ANK2: variants seen among roughly 807,000 people sequenced by gnomAD.
ANK2 encodes ankyrin-2.
In ANK2, 83 loss-of-function variants were observed where a neutral mutation model predicts 360.5. That is an observed-to-expected ratio of 0.23 (90% confidence interval 0.19 to 0.28). ANK2 has a LOEUF of 0.28. Ranked by LOEUF, ANK2 falls within the 10% of genes least tolerant of loss-of-function variation. ANK2 has a pLI of 1.00. For synonymous variants in ANK2, 1,740 were observed against 1,759.5 expected, an observed-to-expected ratio of 0.99 and a Z score of 0.28; for missense variants, 4,201 against 4,795.7, an observed-to-expected ratio of 0.88 and a Z score of 3.66.
chr4:113,241,156 C>T (rs1168561210), intron 8 of ANK2, among the ~76,000 whole-genome samples: 1 of 152,060 alleles, frequency 6.6e-6, no homozygotes, highest in African/African-American at 2.4e-5. Flanking sequence ...ACAAAAATTA[C>T]AACAGACAAA....
chr4:113,290,385 A>G (rs2066927719), intron 20 of ANK2, among the ~76,000 whole-genome samples: 1 of 152,176 alleles, frequency 6.6e-6, no homozygotes, highest in African/African-American at 2.4e-5. Context: ...CATTGCTTTA[A>G]AAATGTAAAC....
At chr4:113,085,144 C>T (rs2084031655) in intron 1 of ANK2, among the ~76,000 whole-genome samples, 1 of 152,268 alleles carries the variant, frequency 6.6e-6, no homozygotes, top group East Asian at 1.9e-4. Context: ...TATAAAAATG[C>T]CCACAAATGC....
intron 32 of ANK2, among the ~76,000 whole-genome samples, chr4:113,340,848 C>CAAA (rs1224495854): frequency 1.3e-5 from 1 of 74,168 alleles, no homozygotes; most frequent in Non-Finnish European, 2.8e-5. Context: ...GACAACGTCT[C>CAAA]AAAAAAAAAA....
chr4:112,760,646 CTCG>C, the ANK2 span, among the ~76,000 whole-genome samples: 4 of 151,820 alleles, frequency 2.6e-5, no homozygotes, highest in Admixed American at 2.6e-4. Flanking sequence ...CACCCATTAA[CTCG>C]TCATTTAGCA....
At chr4:113,199,256 C>A in intron 4 of ANK2, 147 bp downstream of exon 4, 2 of 676,664 alleles carry the variant, frequency 3.0e-6, no homozygotes, top group Non-Finnish European at 5.0e-6. Flanking sequence ...TTTTATTAAC[C>A]TTTATGATGA....
rs151127289 is a variant in ANK2, at chr4:113,330,412, G to A, written c.3067G>A (p.Gly1023Arg). The A allele has an allele frequency of 1.1e-4, 182 of 1,614,242 alleles. No individual in the cohort carries two copies. Among genetic ancestry groups the A allele is most frequent in the Non-Finnish European group, 1.5e-4 (175 of 1,180,044 alleles). The change falls in exon 27 of 46, where the codon GGA becomes AGA. Residue 1023 changes from glycine (G) to arginine (R), a missense_variant. Gly to Arg is a moderately radical substitution (Grantham distance 125, BLOSUM62 -2). This residue lies in a region of ANK2 where 1,268 missense variants were observed against 1,650.8 expected (regional missense o/e 0.77). Transcript: ENST00000357077. The stretch of plus-strand genomic sequence containing the variant: ...GGCAACAATGCCTCCAATGGTGGAA[G>A]GAGAAGGCCTGGCCAGTCGCCTGAT... ...RLATMPPMVE[G>R]EGLASRLIEV...
chr4:113,313,262 A>T (rs2081047959), intron 24 of ANK2, among the ~76,000 whole-genome samples: 1 of 152,236 alleles, frequency 6.6e-6, no homozygotes, highest in African/African-American at 2.4e-5. Context: ...ATCTATGAAC[A>T]GTCTTATTAC....
intron 28 of ANK2, among the ~76,000 whole-genome samples, chr4:113,332,585 G>A (rs1360763408): frequency 6.6e-6 from 1 of 152,184 alleles, no homozygotes; most frequent in Non-Finnish European, 1.5e-5. Context: ...AAAACCACGA[G>A]TGCATGGCTC....
intron 2 of ANK2, among the ~76,000 whole-genome samples, chr4:112,966,391 T>C (rs896643196): frequency 1.3e-5 from 2 of 151,874 alleles, no homozygotes; most frequent in Non-Finnish European, 2.9e-5. Flanking sequence ...AGAAAATTAT[T>C]TGCATTAATC....
At chr4:113,228,942 A>G (rs1186967749) in intron 4 of ANK2, among the ~76,000 whole-genome samples, 5 of 152,148 alleles carry the variant, frequency 3.3e-5, no homozygotes, top group Admixed American at 2.6e-4. Context: ...TGCACACAGG[A>G]CTGTGATGAG....
At chr4:113,153,554 T>C (rs2097169818) in intron 1 of ANK2, among the ~76,000 whole-genome samples, 2 of 152,218 alleles carry the variant, frequency 1.3e-5, no homozygotes, top group African/African-American at 4.8e-5. Flanking sequence ...ATACCATCTA[T>C]AATACATAAT....
rs572541334 is a variant in ANK2, at chr4:113,359,567, T to C, written c.10681+268T>C. Among the ~76,000 whole-genome samples, 259 of 152,334 alleles carry C rather than the reference T, an allele frequency of 1.7e-3. 1 individual carries two copies. The highest frequency in any genetic ancestry group is 1.4e-3 in the Non-Finnish European group (95 of 68,022). On this transcript the variant is annotated intron_variant, in intron 38 of 45. Transcript: ENST00000357077. ...CAGTGATCTTGCCTTTTTTAGCCTC[T>C]GCACGTAATAAGGCCATGCGAGCTT...
intron 20 of ANK2, 38 bp from the exon 21 acceptor site, chr4:113,292,378 C>G: frequency 6.4e-7 from 1 of 1,557,114 alleles, no homozygotes; most frequent in Non-Finnish European, 8.8e-7. Context: ...CTCCCTCTGC[C>G]AATCGGGTGC....
Position 113,237,589 on chromosome 4 carries a change from A to T in ANK2, c.670-10A>T. On this transcript the variant is annotated splice_polypyrimidine_tract_variant and intron_variant, in intron 6 of 45. Transcript: ENST00000357077. Reference sequence around the variant, plus strand: ...ATCTTCCCTCTTTCTTCCAAACAACACTGCTTCAGATGATGGTGAATAGGA... The same window carrying T: ...ATCTTCCCTCTTTCTTCCAAACAACTCTGCTTCAGATGATGGTGAATAGGA... 6.2e-7 allele frequency: 1 copy of T among 1,607,394 alleles called. No homozygotes were observed. Among genetic ancestry groups the T allele is most frequent in the South Asian group, 1.1e-5 (1 of 90,936 alleles).
intron 2 of ANK2, among the ~76,000 whole-genome samples, chr4:113,188,715 C>T (rs969427892): frequency 1.3e-5 from 2 of 152,124 alleles, no homozygotes; most frequent in African/African-American, 4.8e-5. Flanking sequence ...CTCTGAGATC[C>T]TTAATAACAA....
intron 1 of ANK2, among the ~76,000 whole-genome samples, chr4:112,850,683 A>AT (rs1489839388): frequency 6.7e-6 from 1 of 149,840 alleles, no homozygotes; most frequent in Non-Finnish European, 1.5e-5. Flanking sequence ...CGCCCAGCTA[A>AT]TTTTTTGTAT....
At chr4:113,339,654 G>A (rs2094016885) in intron 32 of ANK2, among the ~76,000 whole-genome samples, 1 of 152,188 alleles carries the variant, frequency 6.6e-6, no homozygotes, top group African/African-American at 2.4e-5. Context: ...CAGCAAAATA[G>A]CCTGAACTAC....
intron 2 of ANK2, among the ~76,000 whole-genome samples, chr4:112,914,466 C>CA (rs981067836): frequency 2.6e-5 from 4 of 151,840 alleles, no homozygotes; most frequent in Non-Finnish European, 5.9e-5. Context: ...ATTAAAAATA[C>CA]AAAAAAATTA....
At chr4:113,348,209 C>A in intron 35 of ANK2, 67 bp from the exon 36 acceptor site, 1 of 1,524,932 alleles carries the variant, frequency 6.6e-7, no homozygotes, top group Non-Finnish European at 9.1e-7. Context: ...CTTTCCTTTT[C>A]TTCTAAATAC....
Sources: gnomAD v4.1 joint callset for allele counts (sites outside exome capture counted in the v4.1 genomes callset) on GRCh38, gnomAD v4.1.1 for gene constraint, gnomAD v4.1.1 regional missense constraint, MANE v1.5 for transcripts, NCBI Gene and HGNC (gene_info 2026-07-23, HGNC 2026-07-21) for gene names.